The following RELL2 variants were observed in gnomAD, a reference collection of about 807,000 sequenced individuals.
RELL2 encodes RELT-like protein 2.
In RELL2, 18 loss-of-function variants were observed where a neutral mutation model predicts 27.5. The ratio of observed to expected loss-of-function variants is 0.65; its 90% confidence interval spans 0.45 to 0.97. RELL2 has a LOEUF of 0.97. Among genes scored for constraint, RELL2 ranks in the 50% least tolerant of loss-of-function variants. The pLI, the probability that RELL2 is intolerant of heterozygous loss-of-function variation, is 0.00. For missense variants in RELL2, 370 were observed against 397.5 expected, an observed-to-expected ratio of 0.93 and a Z score of 0.59; for synonymous variants, 156 against 147.5, an observed-to-expected ratio of 1.06 and a Z score of -0.42.
Position 141,639,689 on chromosome 5 carries a change from G to C in RELL2, c.503+40G>C. The C allele has an allele frequency of 6.4e-7, 1 of 1,556,104 alleles. No homozygotes were observed. On this transcript the variant is annotated intron_variant, in intron 4 of 6. Transcript: ENST00000297164. The surrounding 1 kb of genome is among the most constrained non-coding windows in gnomAD (Gnocchi z 4.4). ...CCAGGGAAAGGGGGGCTGAGGTAGG[G>C]GGCCCAGTGATCAGGCACCTGATCC...
chr5:141,637,325 C>T lies in RELL2; in HGVS notation c.-901C>T, dbSNP rs1297805427. 6.5e-6 allele frequency: 1 copy of T among 152,832 alleles called. No homozygotes were observed. Among genetic ancestry groups the T allele is most frequent in the Non-Finnish European group, 1.5e-5 (1 of 68,484 alleles). The allele number at this position is 152,832 out of a possible 1,614,324, so 9.5% of individuals were successfully genotyped here. Reference sequence around the variant, plus strand: ...CACGCCGGACCGCCTGTCCCCTACCCGGACCCAGACTCGGCGCCGCACATT... The same window carrying T: ...CACGCCGGACCGCCTGTCCCCTACCTGGACCCAGACTCGGCGCCGCACATT... On this transcript the variant is annotated 5_prime_UTR_variant, in exon 1 of 7. Coordinates refer to ENST00000297164, the MANE Select transcript of RELL2 (RefSeq NM_173828.5).
rs375795159 is a variant in RELL2, at chr5:141,640,367, A to T, written c.880-45A>T. On this transcript the variant is annotated intron_variant, in intron 5 of 6. Coordinates refer to ENST00000297164, the MANE Select transcript of RELL2 (RefSeq NM_173828.5). ...CTCTACTCTGGGGGGCACTGATAGG[A>T]CCTACTCCTGGTCTCTCATTGTTGA... 1.3e-3 allele frequency: 2,168 copies of T among 1,614,052 alleles called. 59 individuals carry two copies. The South Asian group carries it at 0.023, about 17-fold the overall frequency.
rs1245998766 is a variant in RELL2 at position 141,639,284 on chromosome 5, GGAA to G, written c.318-176_318-174del. 1 of 618,738 alleles carries G rather than the reference GGAA, an allele frequency of 1.6e-6. No individual in the cohort carries two copies. The highest frequency in any genetic ancestry group is 1.8e-5 in the African/African-American group (1 of 54,270). The allele number at this position is 618,738 out of a possible 1,614,324, so 38.3% of individuals were successfully genotyped here. On this transcript the variant is annotated intron_variant, in intron 3 of 6. Transcript: ENST00000297164. This position sits in a 1 kb window ranked among gnomAD's most constrained non-coding sequence, Gnocchi z 4.4. ...TTCTTTTTAGCAAACAGCCCTGGGAGGAAGAACATATGGTCACTAACATCTTAA... is the reference window on the plus strand; with the variant it reads ...TTCTTTTTAGCAAACAGCCCTGGGAGGAACATATGGTCACTAACATCTTAA...
At position 141,640,869 on chromosome 5, in the gene RELL2, C is replaced by CA. The variant is rs573268180; in HGVS notation, c.*201dup. On this transcript the variant is annotated 3_prime_UTR_variant, in exon 7 of 7. Transcript: ENST00000297164. The stretch of plus-strand genomic sequence containing the variant: ...TCTCTTCTCCTTCCCCTGCCTGCAA[C>CA]AGGCTGCCTGCCCCGCCTTCCCCAA... 1.4e-4 allele frequency: 82 copies of CA among 593,196 alleles called. No homozygotes were observed. The African/African-American group carries it at 1.4e-3, about 10-fold the overall frequency. The allele number at this position is 593,196 out of a possible 1,614,324, so 36.7% of individuals were successfully genotyped here. A position where few individuals can be genotyped will look rare whatever the true frequency, so the allele number is the denominator to read the frequency against.
At position 141,638,134 on chromosome 5, in the gene RELL2, C is replaced by T. The variant is rs2099906349; in HGVS notation, c.-92C>T. ...GTCTTAGACGTGCTTGTTTCAGATC[C>T]TGAGGACGGCATTCCTACCCCTCCC... On this transcript the variant is annotated 5_prime_UTR_variant, in exon 1 of 7. Coordinates refer to ENST00000297164, the MANE Select transcript of RELL2 (RefSeq NM_173828.5). The T allele has an allele frequency of 1.3e-6, 1 of 795,258 alleles. No homozygotes were observed. The highest frequency in any genetic ancestry group is 2.1e-6 in the Non-Finnish European group (1 of 480,832). 49.3% of individuals were successfully genotyped at this position (795,258 alleles called of 1,614,324 possible).
Position 141,639,881 on chromosome 5 carries a change from A to C in RELL2, c.504-39A>C, listed in dbSNP as rs752273514. The C allele has an allele frequency of 6.2e-7, 1 of 1,607,510 alleles. No homozygotes were observed. The highest frequency in any genetic ancestry group is 1.7e-5 in the Admixed American group (1 of 59,948). ...AGAGGGGAGGGCCAAGCAGCCTCTG[A>C]GTTGTGGTCCTAAACCCCAGTGTTC... is the stretch of plus-strand genomic sequence containing the variant. On this transcript the variant is annotated intron_variant, in intron 4 of 6. Coordinates refer to ENST00000297164, the MANE Select transcript of RELL2 (RefSeq NM_173828.5). The surrounding 1 kb of genome is among the most constrained non-coding windows in gnomAD (Gnocchi z 4.4).
In RELL2 at chr5:141,637,066, G is replaced by C. The variant is rs1334197330; in HGVS notation, c.-1160G>C. The C allele has an allele frequency of 8.9e-6, 3 of 335,288 alleles. No homozygotes were observed. The highest frequency in any genetic ancestry group is 4.7e-5 in the East Asian group (1 of 21,434). The allele number at this position is 335,288 out of a possible 1,614,324, so 20.8% of individuals were successfully genotyped here. ...ATGCGAGGGCCATTTGTCTCCGGCC[G>C]GGGGTCAGATCCTCGGGAAGCCGAG... is the stretch of plus-strand genomic sequence containing the variant. On this transcript the variant is annotated 5_prime_UTR_variant, in exon 1 of 7. Coordinates refer to ENST00000297164, the MANE Select transcript of RELL2 (RefSeq NM_173828.5).
At position 141,639,166 on chromosome 5, in the gene RELL2, T is replaced by A; in HGVS notation, c.317+145T>A. 1 of 691,854 alleles carries A rather than the reference T, an allele frequency of 1.4e-6. No homozygotes were observed. Among genetic ancestry groups the A allele is most frequent in the South Asian group, 1.9e-5 (1 of 52,662 alleles). 42.9% of individuals were successfully genotyped at this position (691,854 alleles called of 1,614,324 possible). A position where few individuals can be genotyped will look rare whatever the true frequency, so the allele number is the denominator to read the frequency against. ...AACTTATAGGAAGAAAGTTGTTTTGTAGAAATCGCGATTCCTTCAAACCAT... is the reference window on the plus strand; with the variant it reads ...AACTTATAGGAAGAAAGTTGTTTTGAAGAAATCGCGATTCCTTCAAACCAT... On this transcript the variant is annotated intron_variant, in intron 3 of 6. Coordinates refer to ENST00000297164, the MANE Select transcript of RELL2 (RefSeq NM_173828.5). This position sits in a 1 kb window ranked among gnomAD's most constrained non-coding sequence, Gnocchi z 4.4.
intron 6 of RELL2, 90 bp from the exon 7 acceptor site, chr5:141,640,581 G>A: frequency 6.4e-7 from 1 of 1,551,288 alleles, no homozygotes; most frequent in Non-Finnish European, 8.7e-7. Context: ...TGGTTTGGTG[G>A]TGGAGGTAGG....
In RELL2 at chr5:141,638,195, G is replaced by C. The variant is rs769506455; in HGVS notation, c.-31G>C. 1.3e-6 allele frequency: 2 copies of C among 1,582,256 alleles called. No homozygotes were observed. Among genetic ancestry groups the C allele is most frequent in the South Asian group, 2.3e-5 (2 of 86,980 alleles). ...CTGCAGCCCCCTAAACCCAGGAGGC[G>C]CCCTGGCCCGCGCTCGCCCCCCAGG... On this transcript the variant is annotated 5_prime_UTR_variant, in exon 1 of 7. Transcript: ENST00000297164.
In RELL2 at chr5:141,638,408, C is replaced by G. The variant is rs146541687; in HGVS notation, c.183C>G (p.Pro61=). The change falls in exon 1 of 7, where the codon CCC becomes CCG. Residue 61 remains proline, a splice_region_variant and synonymous_variant. Transcript: ENST00000297164. ...GSEPDDAQLQ[P]PEDDDMNEDT... is the part of the protein sequence containing the mutation. ...AGCCTGACGATGCCCAGCTTCAGCC[C>G]CGTGAGTGAGGAGCCTGGAACCCTG... The G allele has an allele frequency of 1.4e-5, 22 of 1,607,522 alleles. No individual in the cohort carries two copies. In the East Asian group the frequency reaches 4.7e-4, roughly 34 times the overall value.
Position 141,639,862 on chromosome 5 carries a change from G to C in RELL2, c.504-58G>C. On this transcript the variant is annotated intron_variant, in intron 4 of 6. Coordinates refer to ENST00000297164, the MANE Select transcript of RELL2 (RefSeq NM_173828.5). The surrounding 1 kb of genome is among the most constrained non-coding windows in gnomAD (Gnocchi z 4.4). Reference sequence around the variant, plus strand: ...ACTCAGGATGTCCCTGGTCAGAGGGGAGGGCCAAGCAGCCTCTGAGTTGTG... The same window carrying C: ...ACTCAGGATGTCCCTGGTCAGAGGGCAGGGCCAAGCAGCCTCTGAGTTGTG... The C allele has an allele frequency of 6.4e-7, 1 of 1,567,470 alleles. No individual in the cohort carries two copies. The highest frequency in any genetic ancestry group is 8.8e-7 in the Non-Finnish European group (1 of 1,140,092).
In RELL2 at chr5:141,637,077, C is replaced by G. The variant is rs1675943223; in HGVS notation, c.-1149C>G. On this transcript the variant is annotated 5_prime_UTR_variant, in exon 1 of 7. It adds an upstream start codon to the 5' untranslated region. Coordinates refer to ENST00000297164, the MANE Select transcript of RELL2 (RefSeq NM_173828.5). ...ATTTGTCTCCGGCCGGGGGTCAGAT[C>G]CTCGGGAAGCCGAGCCATCCCATCC... 6.2e-6 allele frequency: 2 copies of G among 322,962 alleles called. No homozygotes were observed. The highest frequency in any genetic ancestry group is 4.3e-5 in the African/African-American group (2 of 46,112). The allele number at this position is 322,962 out of a possible 1,614,324, so 20.0% of individuals were successfully genotyped here. A position where few individuals can be genotyped will look rare whatever the true frequency, so the allele number is the denominator to read the frequency against.
At position 141,640,045 on chromosome 5, in the gene RELL2, G is replaced by A. The variant is rs1240873689; in HGVS notation, c.629G>A (p.Gly210Glu). The change falls in exon 5 of 7, where the codon GGG becomes GAG. Residue 210 changes from glycine to glutamate, a missense_variant. Gly to Glu is a moderately conservative substitution (Grantham distance 98). Coordinates refer to ENST00000297164, the MANE Select transcript of RELL2 (RefSeq NM_173828.5). ...DPGGGQGSGG[G>E]QPKAGMPAME... ...GGGGGTGGTCAGGGGTCTGGGGGAGGGCAGCCCAAGGCAGGGATGCCTGCC... is the reference window on the plus strand; with the variant it reads ...GGGGGTGGTCAGGGGTCTGGGGGAGAGCAGCCCAAGGCAGGGATGCCTGCC... 2 of 1,613,406 alleles carry A rather than the reference G, an allele frequency of 1.2e-6. No homozygotes were observed. Among genetic ancestry groups the A allele is most frequent in the Non-Finnish European group, 1.7e-6 (2 of 1,179,808 alleles).
Position 141,638,781 on chromosome 5 carries a change from C to CT in RELL2, c.185-11dup. ...CTCATTCCTGCTTCCTTGCCAATCTCTTTCATCCTTCAGCTGAGGACGATG... is the reference window on the plus strand; with the variant it reads ...CTCATTCCTGCTTCCTTGCCAATCTCTTTTCATCCTTCAGCTGAGGACGATG... On this transcript the variant is annotated splice_polypyrimidine_tract_variant and intron_variant, in intron 1 of 6. Transcript: ENST00000297164. 6.2e-7 allele frequency: 1 copy of CT among 1,612,796 alleles called. No homozygotes were observed. Among genetic ancestry groups the CT allele is most frequent in the South Asian group, 1.1e-5 (1 of 91,052 alleles).
intron 5 of RELL2, 40 bp downstream of exon 5, chr5:141,640,335 T>G (rs377253130): frequency 8.7e-6 from 14 of 1,613,904 alleles, no homozygotes; most frequent in Non-Finnish European, 1.2e-5. Context: ...GCTGGGCTCT[T>G]ATTGCTCTCT....
chr5:141,640,136 A>G lies in RELL2; in HGVS notation c.720A>G (p.Gly240=), dbSNP rs574587182. Residue 240 remains glycine (G), a synonymous_variant, in exon 5 of 7, where the codon GGA becomes GGG. Coordinates refer to ENST00000297164, the MANE Select transcript of RELL2 (RefSeq NM_173828.5). ...QVLASPPVQN[G]GLRDSSLTPR... is the part of the protein sequence containing the mutation. ...TAGCCAGCCCCCCAGTACAGAATGGAGGACTCAGGGACAGCAGCCTAACCC... is the reference window on the plus strand; with the variant it reads ...TAGCCAGCCCCCCAGTACAGAATGGGGGACTCAGGGACAGCAGCCTAACCC... The G allele has an allele frequency of 6.2e-7, 1 of 1,613,960 alleles. No homozygotes were observed. The highest frequency in any genetic ancestry group is 1.7e-5 in the Admixed American group (1 of 60,002).
At position 141,640,002 on chromosome 5, in the gene RELL2, G is replaced by C. The variant is rs17855844; in HGVS notation, c.586G>C (p.Gly196Arg). 311,814 of 1,613,396 alleles carry C rather than the reference G, an allele frequency of 0.19. 31,290 individuals carry two copies. Among genetic ancestry groups the C allele is most frequent in the South Asian group, 0.31 (27,901 of 91,064 alleles). ...GSPTDRSWGSGGGQDPGGGQG... is the reference protein window; with the variant it reads ...GSPTDRSWGSRGGQDPGGGQG... ...CCCCACAGACAGGAGCTGGGGCTCTGGTGGGGGACAGGACCCAGGGGGTGG... is the reference window on the plus strand; with the variant it reads ...CCCCACAGACAGGAGCTGGGGCTCTCGTGGGGGACAGGACCCAGGGGGTGG... The change falls in exon 5 of 7, where the codon GGT becomes CGT. Residue 196 changes from glycine (G) to arginine (R), a missense_variant. By Grantham distance (125) the Gly-to-Arg change is moderately radical (BLOSUM62 -2). Coordinates refer to ENST00000297164, the MANE Select transcript of RELL2 (RefSeq NM_173828.5).
rs1161408914 is a variant in RELL2 at position 141,639,777 on chromosome 5, A to G, written c.503+128A>G. 31 of 1,277,850 alleles carry G rather than the reference A, an allele frequency of 2.4e-5. No individual in the cohort carries two copies. Among genetic ancestry groups the G allele is most frequent in the Non-Finnish European group, 2.9e-5 (26 of 904,786 alleles). The allele number at this position is 1,277,850 out of a possible 1,614,324, so 79.2% of individuals were successfully genotyped here. ...GCTCCGGCAGAAGTCAGGCTACACA[A>G]TGTGCCCCACAATCTGAGAAGGCCT... On this transcript the variant is annotated intron_variant, in intron 4 of 6. Transcript: ENST00000297164. The surrounding 1 kb of genome is among the most constrained non-coding windows in gnomAD (Gnocchi z 4.4).
Sources: gnomAD v4.1 joint callset for allele counts on GRCh38, gnomAD v4.1.1 for gene constraint, Gnocchi (gnomAD v3.1) non-coding constraint, MANE v1.5 for transcripts, NCBI Gene and HGNC (gene_info 2026-07-23, HGNC 2026-07-21) for gene names.